Variants in SLC5A8 observed in about 807,000 individuals in gnomAD.
SLC5A8 encodes sodium-coupled monocarboxylate transporter 1.
In SLC5A8, 55 loss-of-function variants were observed where a neutral mutation model predicts 71.9. The observed-to-expected ratio is 0.77, with a 90% CI of 0.62 to 0.96. The LOEUF is 0.96. Ranked by LOEUF, SLC5A8 falls within the 40% of genes least tolerant of loss-of-function variation. The pLI is 0.00. For missense variants in SLC5A8, 701 were observed against 745.3 expected, an observed-to-expected ratio of 0.94 and a Z score of 0.69; for synonymous variants, 307 against 276.1, an observed-to-expected ratio of 1.11 and a Z score of -1.11.
intron 3 of SLC5A8, among the ~76,000 whole-genome samples, chr12:101,195,485 C>T (rs918810267): frequency 5.9e-5 from 9 of 152,168 alleles, no homozygotes; most frequent in African/African-American, 1.2e-4. Flanking sequence ...CCCGATTAGA[C>T]GCGGTTCAAA....
chr12:101,192,166 TTGTTC>T (rs1755494519), intron 5 of SLC5A8, among the ~76,000 whole-genome samples: 1 of 152,208 alleles, frequency 6.6e-6, no homozygotes, highest in South Asian at 2.1e-4. Context: ...TCAAAATATC[TTGTTC>T]TGCCCTGGCC....
At chr12:101,205,536 C>T (rs970388251) in intron 1 of SLC5A8, among the ~76,000 whole-genome samples, 12 of 152,102 alleles carry the variant, frequency 7.9e-5, no homozygotes, top group Non-Finnish European at 1.3e-4. Flanking sequence ...TTAAGGCTGA[C>T]AACAATCTTC....
rs758484297 is a variant in SLC5A8 at position 101,158,288 on chromosome 12, G to T, written c.1671C>A (p.Thr557=). ...CAAAATTGGATAAAAAGTCCTCTTT[G>T]GTTAGTATGTATCTGGGGTCTAAGT... is the stretch of plus-strand genomic sequence containing the variant. The part of the protein sequence containing the change: ...KQNLDPRYIL[T]KEDFLSNFDI... Residue 557 remains threonine, a synonymous_variant, in exon 14 of 15, where the codon ACC becomes ACA. Transcript: ENST00000536262. 5 of 1,592,798 alleles carry T rather than the reference G, an allele frequency of 3.1e-6. No individual in the cohort carries two copies. The highest frequency in any genetic ancestry group is 3.4e-6 in the Non-Finnish European group (4 of 1,166,520).
intron 10 of SLC5A8, among the ~76,000 whole-genome samples, chr12:101,170,278 A>G (rs147779795): frequency 6.6e-6 from 1 of 152,378 alleles, no homozygotes; most frequent in Non-Finnish European, 1.5e-5. Context: ...AAGACCCTTC[A>G]GGTAAATAAA....
Position 101,157,112 on chromosome 12 carries a change from A to T in SLC5A8, c.*167T>A. On this transcript the variant is annotated 3_prime_UTR_variant, in exon 15 of 15. Transcript: ENST00000536262. ...TCTAAACTCCAGAGTAACATCAATTAATGATGTAGTAAATGAAGATAGTCC... is the reference window on the plus strand; with the variant it reads ...TCTAAACTCCAGAGTAACATCAATTTATGATGTAGTAAATGAAGATAGTCC... 1 of 642,626 alleles carries T rather than the reference A, an allele frequency of 1.6e-6. No individual in the cohort carries two copies. The allele number at this position is 642,626 out of a possible 1,614,324, so 39.8% of individuals were successfully genotyped here.
Position 101,190,617 on chromosome 12 carries a change from C to A in SLC5A8, c.693-9G>T. On this transcript the variant is annotated splice_polypyrimidine_tract_variant and intron_variant, in intron 5 of 14. Coordinates refer to ENST00000536262, the MANE Select transcript of SLC5A8 (RefSeq NM_145913.5). ...AAGGGTTAGGATTAAAACTAAATGA[C>A]AAGAAACAGAAAACAAATCTGAACT... The A allele has an allele frequency of 6.3e-7, 1 of 1,587,632 alleles. No homozygotes were observed. Among genetic ancestry groups the A allele is most frequent in the Non-Finnish European group, 8.5e-7 (1 of 1,171,634 alleles).
intron 10 of SLC5A8, among the ~76,000 whole-genome samples, chr12:101,170,678 G>A (rs1449799409): frequency 1.3e-5 from 2 of 152,044 alleles, no homozygotes; most frequent in African/African-American, 4.8e-5. Context: ...CATTCCATCC[G>A]AACACCACAG....
intron 3 of SLC5A8, among the ~76,000 whole-genome samples, chr12:101,195,619 G>A (rs1593380852): frequency 1.3e-5 from 2 of 151,530 alleles, no homozygotes; most frequent in African/African-American, 4.8e-5. Flanking sequence ...CAACACGAAA[G>A]GATTCAAATG....
At chr12:101,172,147 C>T (rs1355571124) in intron 10 of SLC5A8, among the ~76,000 whole-genome samples, 1 of 152,144 alleles carries the variant, frequency 6.6e-6, no homozygotes, top group Non-Finnish European at 1.5e-5. Flanking sequence ...TTCCAGATGG[C>T]TGTCAGGCAC....
intron 6 of SLC5A8, among the ~76,000 whole-genome samples, chr12:101,189,719 G>A (rs12298108): frequency 6.6e-6 from 1 of 152,096 alleles, no homozygotes; most frequent in African/African-American, 2.4e-5. Flanking sequence ...CACCTACCTA[G>A]AATGCCTTCC....
At chr12:101,177,466 C>T (rs1262639982) in intron 10 of SLC5A8, among the ~76,000 whole-genome samples, 1 of 151,602 alleles carries the variant, frequency 6.6e-6, no homozygotes, top group Non-Finnish European at 1.5e-5. Context: ...CACACACACA[C>T]ACACACACAC....
At chr12:101,169,581 G>A (rs1161698885) in intron 10 of SLC5A8, among the ~76,000 whole-genome samples, 1 of 152,146 alleles carries the variant, frequency 6.6e-6, no homozygotes, top group Non-Finnish European at 1.5e-5. Context: ...ACTGAAGAAA[G>A]ATCCTGGAGG....
chr12:101,195,695 CTTTTTT>C (rs11338261), intron 3 of SLC5A8, among the ~76,000 whole-genome samples: 25 of 97,452 alleles, frequency 2.6e-4, no homozygotes, highest in Non-Finnish European at 4.2e-4. Flanking sequence ...ATGGTAATTC[CTTTTTT>C]TTTTTTTTTT....
intron 3 of SLC5A8, among the ~76,000 whole-genome samples, chr12:101,201,456 G>C (rs1593384330): frequency 6.6e-6 from 1 of 152,126 alleles, no homozygotes; most frequent in Non-Finnish European, 1.5e-5. Context: ...CATTTTACAA[G>C]GACGTTTTAG....
intron 11 of SLC5A8, among the ~76,000 whole-genome samples, 200 bp from the exon 12 acceptor site, chr12:101,166,899 A>G (rs577923231): frequency 6.6e-6 from 1 of 152,292 alleles, no homozygotes; most frequent in African/African-American, 2.4e-5. Context: ...AATGAATGAA[A>G]GGTATTGAGG....
Position 101,161,825 on chromosome 12 carries a change from G to A in SLC5A8, c.1630+149C>T. ...ATGAGTCTTCTGCTTTCAAGTCTAGGCCTTCAGATTTCCCATGAGTAAAAC... is the reference window on the plus strand; with the variant it reads ...ATGAGTCTTCTGCTTTCAAGTCTAGACCTTCAGATTTCCCATGAGTAAAAC... On this transcript the variant is annotated intron_variant, in intron 13 of 14. Coordinates refer to ENST00000536262, the MANE Select transcript of SLC5A8 (RefSeq NM_145913.5). The A allele has an allele frequency of 3.1e-6, 2 of 636,704 alleles. 1 individual carries two copies. Among genetic ancestry groups the A allele is most frequent in the Non-Finnish European group, 5.4e-6 (2 of 368,518 alleles). The allele number at this position is 636,704 out of a possible 1,614,324, so 39.4% of individuals were successfully genotyped here. A position where few individuals can be genotyped will look rare whatever the true frequency, so the allele number is the denominator to read the frequency against.
chr12:101,182,157 C>T (rs1339021352), intron 9 of SLC5A8, among the ~76,000 whole-genome samples: 3 of 152,178 alleles, frequency 2.0e-5, no homozygotes, highest in Admixed American at 1.3e-4. Flanking sequence ...TACGATTGAA[C>T]AGAACAGAAG....
chr12:101,187,524 G>A lies in SLC5A8; in HGVS notation c.834-9C>T, dbSNP rs1418895317. The A allele has an allele frequency of 6.3e-7, 1 of 1,593,310 alleles. No homozygotes were observed. The highest frequency in any genetic ancestry group is 8.5e-7 in the Non-Finnish European group (1 of 1,172,514). On this transcript the variant is annotated splice_polypyrimidine_tract_variant and intron_variant, in intron 6 of 14. Transcript: ENST00000536262. ...GATTGATGTAGAGAGACCTAAAGAA[G>A]TGAAAACAAACCAGCAAAAGACAAC...
At chr12:101,157,964 G>A (rs2051682847) in intron 14 of SLC5A8, among the ~76,000 whole-genome samples, 1 of 152,044 alleles carries the variant, frequency 6.6e-6, no homozygotes, top group African/African-American at 2.4e-5. Flanking sequence ...GAGATATACA[G>A]CAGATAAAGA....
Sources: allele counts gnomAD v4.1 joint callset (sites outside exome capture counted in the v4.1 genomes callset), GRCh38; gene constraint gnomAD v4.1.1; transcripts MANE v1.5; gene names NCBI Gene and HGNC (gene_info 2026-07-23, HGNC 2026-07-21).